SNAP25: variants seen among roughly 807,000 people sequenced by gnomAD.
The protein encoded by SNAP25 is synaptosome associated protein 25, also known as synaptosomal-associated protein 25.
Under a neutral mutation model 28.7 loss-of-function variants are expected in SNAP25, and 3 were observed. The ratio of observed to expected loss-of-function variants is 0.10; its 90% CI spans 0.05 to 0.27. The LOEUF is 0.27. SNAP25 is among the 10% of genes least tolerant of loss of function. The probability of loss-of-function intolerance (pLI) is 1.00; values close to 1 mark genes in which losing one functional copy is unlikely to be tolerated. For missense variants in SNAP25, 117 were observed against 278.7 expected (o/e 0.42, Z 4.13); for synonymous variants, 61 against 88.1 (o/e 0.69, Z 1.72).
chr20:10,233,904 A>T (rs112857484), intron 1 of SNAP25, among the ~76,000 whole-genome samples: 4 of 152,284 alleles, frequency 2.6e-5, no homozygotes, highest in African/African-American at 7.2e-5. Context: ...CTTGAGACTC[A>T]TATGGGTGGC....
rs536623187 is a variant in SNAP25 at position 10,293,027 on chromosome 20, G to A, written c.164-134G>A. 100 of 1,473,318 alleles carry A rather than the reference G, an allele frequency of 6.8e-5. 1 individual carries two copies. The South Asian group carries it at 1.2e-3, about 18-fold the overall frequency. 91.3% of individuals were successfully genotyped at this position (1,473,318 alleles called of 1,614,324 possible). On this transcript the variant is annotated intron_variant, in intron 4 of 7. Transcript: ENST00000254976. The surrounding 1 kb of genome is among the most constrained non-coding windows in gnomAD (Gnocchi z 5.6). ...AGGTACTGGGTACCAGCTCTAATCT[G>A]TGGCGTCCAGTTTTCTTTCTTTTTT...
chr20:10,236,160 A>T (rs1188664995), intron 1 of SNAP25, among the ~76,000 whole-genome samples: 1 of 152,152 alleles, frequency 6.6e-6, no homozygotes, highest in Non-Finnish European at 1.5e-5. Context: ...AGTTCCACAA[A>T]CCAGGAAACT....
At position 10,277,701 on chromosome 20, in the gene SNAP25, G is replaced by A. The variant is rs577791521; in HGVS notation, c.89G>A (p.Arg30His). ...AAATCTTAGTCGCTGGAAAGCACCCGTCGTATGCTGCAACTGGTTGAAGAG... is the reference window on the plus strand; with the variant it reads ...AAATCTTAGTCGCTGGAAAGCACCCATCGTATGCTGCAACTGGTTGAAGAG... ...QLADESLEST[R>H]RMLQLVEESK... The change falls in exon 3 of 8, where the codon CGT becomes CAT. Residue 30 changes from arginine (R) to histidine (H), a missense_variant. Coordinates refer to ENST00000254976, the MANE Select transcript of SNAP25 (RefSeq NM_130811.4). The A allele has an allele frequency of 1.9e-6, 3 of 1,613,632 alleles. No homozygotes were observed. The highest frequency in any genetic ancestry group is 1.3e-5 in the African/African-American group (1 of 75,036).
chr20:10,304,785 T>G (rs1160833837), intron 7 of SNAP25, among the ~76,000 whole-genome samples: 1 of 152,210 alleles, frequency 6.6e-6, no homozygotes, highest in East Asian at 1.9e-4. Context: ...TTTTTTTAAA[T>G]GTGAAACTGC....
chr20:10,247,090 G>A (rs1332138072), intron 1 of SNAP25, among the ~76,000 whole-genome samples: 1 of 152,020 alleles, frequency 6.6e-6, no homozygotes, highest in Admixed American at 6.6e-5. Flanking sequence ...GGCCTCATGC[G>A]TCCAGTTAAG....
chr20:10,270,308 C>A (rs1384991598), intron 1 of SNAP25, among the ~76,000 whole-genome samples: 1 of 152,098 alleles, frequency 6.6e-6, no homozygotes, highest in East Asian at 1.9e-4. Flanking sequence ...CCTGGTGATG[C>A]TCATGAACAT....
chr20:10,299,735 G>A (rs1034928893), intron 7 of SNAP25, among the ~76,000 whole-genome samples: 4 of 152,186 alleles, frequency 2.6e-5, no homozygotes, highest in African/African-American at 7.2e-5. Context: ...GGGAGGCTAC[G>A]AGCCTCCAGA....
In SNAP25 at chr20:10,293,639, G is replaced by A. The variant is rs571417964; in HGVS notation, c.281+361G>A. Among the ~76,000 whole-genome samples, 16 of 152,266 alleles carry A rather than the reference G, an allele frequency of 1.1e-4. No individual in the cohort carries two copies. Among genetic ancestry groups the A allele is most frequent in the African/African-American group, 2.9e-4 (12 of 41,548 alleles). On this transcript the variant is annotated intron_variant, in intron 5 of 7. Transcript: ENST00000254976. The surrounding 1 kb of genome is among the most constrained non-coding windows in gnomAD (Gnocchi z 5.6). ...AAATTACAGATTTAGAAAAGGCTGC[G>A]GGTAAGTTTGGAAGATGAGAAACAC...
chr20:10,298,329 G>GT (rs1175943942), intron 6 of SNAP25, among the ~76,000 whole-genome samples: 1 of 152,146 alleles, frequency 6.6e-6, no homozygotes, highest in Non-Finnish European at 1.5e-5. Flanking sequence ...TTCTCCTTTA[G>GT]TTTTTTAATT....
intron 1 of SNAP25, among the ~76,000 whole-genome samples, chr20:10,234,225 A>G (rs2062877616): frequency 6.6e-6 from 1 of 151,908 alleles, no homozygotes; most frequent in Non-Finnish European, 1.5e-5. Flanking sequence ...GGAAAGGAAG[A>G]TGATACAGAA....
intron 4 of SNAP25, among the ~76,000 whole-genome samples, chr20:10,291,844 G>A (rs362592): frequency 0.11 from 16,726 of 152,220 alleles, 1,160 homozygotes; most frequent in East Asian, 0.18. Flanking sequence ...ATTAGCCAGC[G>A]AAGACATCCA....
intron 1 of SNAP25, among the ~76,000 whole-genome samples, chr20:10,220,052 A>G (rs543317952): frequency 1.3e-5 from 2 of 152,328 alleles, no homozygotes; most frequent in East Asian, 3.9e-4. Flanking sequence ...TTGTTTTTTA[A>G]CACAGAGTAG....
chr20:10,226,506 G>A (rs1266239829), intron 1 of SNAP25, among the ~76,000 whole-genome samples: 1 of 152,096 alleles, frequency 6.6e-6, no homozygotes. Flanking sequence ...AGTCAGAGCT[G>A]TAAATAAAAT....
chr20:10,299,447 A>G (rs1341156703), intron 7 of SNAP25, 35 bp downstream of exon 7: 1 of 1,601,680 alleles, frequency 6.2e-7, no homozygotes, highest in Admixed American at 1.7e-5. Context: ...CCCTACTGCG[A>G]GTCACTTCTG....
At chr20:10,301,759 C>T (rs2064241870) in intron 7 of SNAP25, among the ~76,000 whole-genome samples, 1 of 151,358 alleles carries the variant, frequency 6.6e-6, no homozygotes, top group Non-Finnish European at 1.5e-5. Context: ...TCAATACATC[C>T]TCATGGATTG....
intron 7 of SNAP25, among the ~76,000 whole-genome samples, chr20:10,305,383 A>T (rs1374553879): frequency 6.6e-6 from 1 of 152,186 alleles, no homozygotes; most frequent in Non-Finnish European, 1.5e-5. Flanking sequence ...CTATACAAAA[A>T]ATAGAAAAAT....
intron 1 of SNAP25, among the ~76,000 whole-genome samples, chr20:10,237,262 G>T (rs550429290): frequency 1.3e-5 from 2 of 152,148 alleles, no homozygotes. Flanking sequence ...AACCTGAAAG[G>T]CAAGGAAGCT....
intron 1 of SNAP25, among the ~76,000 whole-genome samples, chr20:10,228,759 G>A (rs942999316): frequency 7.9e-5 from 12 of 152,136 alleles, no homozygotes; most frequent in Non-Finnish European, 1.8e-4. Flanking sequence ...GAAAGAGGAA[G>A]GGACTGTTGT....
At chr20:10,268,482 G>A (rs2063541373) in intron 1 of SNAP25, among the ~76,000 whole-genome samples, 1 of 152,128 alleles carries the variant, frequency 6.6e-6, no homozygotes, top group African/African-American at 2.4e-5. Flanking sequence ...TGCCTTTCCT[G>A]AGACATTCCT....
Sources: gnomAD v4.1 joint callset for allele counts (sites outside exome capture counted in the v4.1 genomes callset) on GRCh38, gnomAD v4.1.1 for gene constraint, Gnocchi (gnomAD v3.1) non-coding constraint, MANE v1.5 for transcripts, NCBI Gene and HGNC (gene_info 2026-07-23, HGNC 2026-07-21) for gene names.